The following TNS3 variants were observed in gnomAD, a reference collection of about 807,000 sequenced individuals.
TNS3 encodes the protein tensin 3.
TNS3 carries 45 observed loss-of-function variants against 140.9 expected under a neutral mutation model. The observed-to-expected ratio is 0.32, with a 90% CI of 0.25 to 0.41. TNS3 has a LOEUF of 0.41. Ranked by LOEUF, TNS3 falls within the 10% of genes least tolerant of loss-of-function variation. TNS3 has a pLI of 1.00. For missense variants in TNS3, 1,716 were observed against 1,906.7 expected, an observed-to-expected ratio of 0.90 and a Z score of 1.86; for synonymous variants, 815 against 788.4, an observed-to-expected ratio of 1.03 and a Z score of -0.56.
intron 1 of TNS3, among the ~76,000 whole-genome samples, chr7:47,563,574 T>C (rs1472903786): frequency 6.6e-6 from 1 of 152,152 alleles, no homozygotes; most frequent in Admixed American, 6.6e-5. Context: ...CAGGGTGTCA[T>C]CAAAGTCGAC....
At chr7:47,498,721 C>T (rs752778591) in intron 3 of TNS3, among the ~76,000 whole-genome samples, 1 of 152,216 alleles carries the variant, frequency 6.6e-6, no homozygotes, top group African/African-American at 2.4e-5. Context: ...CATCACAGGG[C>T]GAGAACTTCA....
At chr7:47,331,552 C>T (rs1471987430) in intron 20 of TNS3, among the ~76,000 whole-genome samples, 5 of 152,236 alleles carry the variant, frequency 3.3e-5, no homozygotes, top group Admixed American at 6.5e-5. Context: ...TGCCAGGTGA[C>T]ACATGGAGAC....
chr7:47,316,556 T>G (rs1372558472), intron 20 of TNS3, among the ~76,000 whole-genome samples: 2 of 149,424 alleles, frequency 1.3e-5, no homozygotes, highest in Admixed American at 6.7e-5. Context: ...TTGTTTTTGT[T>G]TTTTTTTTTT....
At chr7:47,524,267 A>G (rs1386724190) in intron 2 of TNS3, among the ~76,000 whole-genome samples, 2 of 152,164 alleles carry the variant, frequency 1.3e-5, no homozygotes, top group Non-Finnish European at 2.9e-5. Flanking sequence ...CTGCATTTTC[A>G]TGCCCATTTT....
At chr7:47,452,959 G>A (rs1584693878) in intron 4 of TNS3, 2 of 985,476 alleles carry the variant, frequency 2.0e-6, no homozygotes, top group Non-Finnish European at 2.4e-6. Flanking sequence ...AGGGACCACC[G>A]GCCAGGGCTG....
chr7:47,546,787 T>C (rs954061100), intron 1 of TNS3, among the ~76,000 whole-genome samples: 3 of 152,204 alleles, frequency 2.0e-5, no homozygotes, highest in Non-Finnish European at 4.4e-5. Context: ...GCTTGCGGCA[T>C]ACCCCACTCA....
At chr7:47,580,023 T>A in intron 1 of TNS3, 1 of 159,974 alleles carries the variant, frequency 6.3e-6, no homozygotes, top group Non-Finnish European at 1.3e-5. Context: ...AAAAAATCAA[T>A]TTGCATTCAG....
chr7:47,464,880 G>A (rs1796640707), intron 4 of TNS3, among the ~76,000 whole-genome samples: 1 of 152,062 alleles, frequency 6.6e-6, no homozygotes, highest in South Asian at 2.1e-4. Flanking sequence ...CCAATGATGG[G>A]GAGCTCAGGA....
chr7:47,531,393 T>A (rs555926600), intron 1 of TNS3, among the ~76,000 whole-genome samples: 4 of 151,862 alleles, frequency 2.6e-5, no homozygotes, highest in Admixed American at 6.6e-5. Context: ...AAAAAAGATA[T>A]ACAATTAAAG....
At chr7:47,345,528 T>C (rs1415746860) in intron 18 of TNS3, among the ~76,000 whole-genome samples, 2 of 152,254 alleles carry the variant, frequency 1.3e-5, no homozygotes, top group Non-Finnish European at 2.9e-5. Flanking sequence ...AGCTTTTTTT[T>C]CTTGTGAATT....
At chr7:47,490,366 C>A (rs965323093) in intron 3 of TNS3, among the ~76,000 whole-genome samples, 2 of 152,220 alleles carry the variant, frequency 1.3e-5, no homozygotes, top group Non-Finnish European at 2.9e-5. Context: ...ACAATAACAT[C>A]CCTGCATGCT....
At chr7:47,458,521 G>GATA (rs768403237) in intron 4 of TNS3, among the ~76,000 whole-genome samples, 55 of 152,198 alleles carry the variant, frequency 3.6e-4, no homozygotes, top group Non-Finnish European at 5.9e-4. Context: ...ATCTGAAAAT[G>GATA]ATAATAAAAT....
Position 47,295,972 on chromosome 7 carries a change from G to A in TNS3, c.3676+1110C>T, listed in dbSNP as rs565972790. ...TATAAACACAGGGAGTTTAAAATCC[G>A]AGCTGCTTCTGATTTCCCCACTCCT... On this transcript the variant is annotated intron_variant, in intron 24 of 30. Transcript: ENST00000311160. Among the ~76,000 whole-genome samples the A allele has an allele frequency of 5.3e-5, 8 of 152,242 alleles. No individual in the cohort carries two copies. The South Asian group carries it at 1.4e-3, about 28-fold the overall frequency.
intron 1 of TNS3, among the ~76,000 whole-genome samples, chr7:47,541,229 G>T (rs1276639960): frequency 6.6e-6 from 1 of 152,142 alleles, no homozygotes; most frequent in Admixed American, 6.6e-5. Context: ...CTAGAATGGG[G>T]GACATTATAG....
intron 20 of TNS3, among the ~76,000 whole-genome samples, chr7:47,327,261 T>C (rs1788075287): frequency 6.8e-6 from 1 of 146,078 alleles, no homozygotes; most frequent in Non-Finnish European, 1.5e-5. Flanking sequence ...AGTGAATGCA[T>C]GGGTTTTTGT....
At chr7:47,314,773 G>A (rs1210584808) in intron 20 of TNS3, among the ~76,000 whole-genome samples, 5 of 152,172 alleles carry the variant, frequency 3.3e-5, no homozygotes, top group African/African-American at 1.2e-4. Flanking sequence ...GATGACCGGG[G>A]TGAGGAGCAG....
Position 47,369,370 on chromosome 7 carries a change from C to T in TNS3, c.1276G>A (p.Asp426Asn). 1 of 1,614,134 alleles carries T rather than the reference C, an allele frequency of 6.2e-7. No homozygotes were observed. Among genetic ancestry groups the T allele is most frequent in the Non-Finnish European group, 8.5e-7 (1 of 1,180,030 alleles). The change falls in exon 17 of 31, where the codon GAC becomes AAC. Residue 426 changes from aspartate (D) to asparagine (N), a missense_variant. Coordinates refer to ENST00000311160, the MANE Select transcript of TNS3 (RefSeq NM_022748.12). ...AGGCCAAAGCCACTGAGCAGCTGGT[C>T]CAACTCTGCCTTCTCCTGGGCACTC... ...GLSAQEKAEL[D>N]QLLSGFGLED...
Position 47,297,024 on chromosome 7 carries a change from A to G in TNS3, c.3676+58T>C, listed in dbSNP as rs968563696. On this transcript the variant is annotated intron_variant, in intron 24 of 30. Transcript: ENST00000311160. ...TTTTATTTTATTAGCCTAAAAATAA[A>G]CCAACAGAGTTTCTCTGTGGATGAG... The G allele has an allele frequency of 6.4e-5, 101 of 1,573,422 alleles. No homozygotes were observed. The African/African-American group carries it at 1.3e-3, about 20-fold the overall frequency.
intron 4 of TNS3, among the ~76,000 whole-genome samples, chr7:47,464,219 T>C (rs756091847): frequency 6.6e-6 from 1 of 152,190 alleles, no homozygotes; most frequent in Admixed American, 6.5e-5. Flanking sequence ...TCTATTGATT[T>C]GGCAATGCCT....
Sources: allele counts gnomAD v4.1 joint callset (sites outside exome capture counted in the v4.1 genomes callset), GRCh38; gene constraint gnomAD v4.1.1; transcripts MANE v1.5; gene names NCBI Gene and HGNC (gene_info 2026-07-23, HGNC 2026-07-21).